The following GUCY2D variants were observed in gnomAD, a reference collection of about 807,000 sequenced individuals.
GUCY2D encodes the protein retinal guanylyl cyclase 1.
A neutral mutation model predicts 101.3 loss-of-function variants in GUCY2D; 70 were observed. The observed-to-expected ratio is 0.69, with a 90% CI of 0.57 to 0.84. The LOEUF is 0.84. GUCY2D is among the 40% of genes least tolerant of loss of function. The pLI, the probability that GUCY2D is intolerant of heterozygous loss-of-function variation, is 0.00. For synonymous variants in GUCY2D, 688 were observed against 670.7 expected (o/e 1.03, Z -0.40); for missense variants, 1,460 against 1,542.5 (o/e 0.95, Z 0.90).
Position 8,003,973 on chromosome 17 carries a change from C to A in GUCY2D, c.843C>A (p.Ile281=). 6.2e-7 allele frequency: 1 copy of A among 1,613,778 alleles called. No individual in the cohort carries two copies. Among genetic ancestry groups the A allele is most frequent in the South Asian group, 1.1e-5 (1 of 91,086 alleles). ...GSLVFLPFDT[I]HYALSPGPEA... ...TGGTCTTCCTGCCCTTCGACACGAT[C>A]CACTACGCCTTGTCCCCAGGCCCGG... is the stretch of plus-strand genomic sequence containing the variant. Residue 281 remains isoleucine (I), a synonymous_variant, in exon 3 of 20, where the codon ATC becomes ATA. Transcript: ENST00000254854.
At position 8,007,430 on chromosome 17, in the gene GUCY2D, C is replaced by T. The variant is rs1187537253; in HGVS notation, c.1468C>T (p.Arg490Trp). Reference protein sequence around the residue: ...GAFLAHYVRHRLLHMQMVSGP... With the variant: ...GAFLAHYVRHWLLHMQMVSGP... ...GGTGACCTCTTTCTCCACCAGGCAC[C>T]GGCTACTTCACATGCAAATGGTCTC... is the stretch of plus-strand genomic sequence containing the variant. Residue 490 changes from arginine (R) to tryptophan (W), a missense_variant, in exon 6 of 20, where the codon CGG (arginine) becomes TGG (tryptophan). By Grantham distance (101) the Arg-to-Trp change is moderately radical (BLOSUM62 -3). This residue lies in a region of GUCY2D where 1,196 missense variants were observed against 1,229.6 expected (regional missense o/e 0.97). Transcript: ENST00000254854. 9 of 1,608,570 alleles carry T rather than the reference C, an allele frequency of 5.6e-6. No individual in the cohort carries two copies. Among genetic ancestry groups the T allele is most frequent in the African/African-American group, 1.3e-5 (1 of 74,934 alleles).
Position 8,016,446 on chromosome 17 carries a change from CAGCAACCACGGCAT to C in GUCY2D, c.3229_3242del (p.Ser1077GlnfsTer50). The C allele has an allele frequency of 6.4e-7, 1 of 1,564,886 alleles. No individual in the cohort carries two copies. The highest frequency in any genetic ancestry group is 8.7e-7 in the Non-Finnish European group (1 of 1,155,186). On this transcript the variant is annotated frameshift_variant, in exon 19 of 20. Transcript: ENST00000254854. LOFTEE classifies it high-confidence loss of function. ...GGCCACCGCCCCCTCCTTGCAGGTC[CAGCAACCACGGCAT>C]CAGCCTGCAGGAGATCCCACCCGAG...
Position 8,013,640 on chromosome 17 carries a change from T to C in GUCY2D, c.2264-240T>C. 4 of 593,034 alleles carry C rather than the reference T, an allele frequency of 6.7e-6. No homozygotes were observed. Among genetic ancestry groups the C allele is most frequent in the East Asian group, 2.8e-5 (1 of 35,748 alleles). The allele number at this position is 593,034 out of a possible 1,614,324, so 36.7% of individuals were successfully genotyped here. On this transcript the variant is annotated intron_variant, in intron 11 of 19. Coordinates refer to ENST00000254854, the MANE Select transcript of GUCY2D (RefSeq NM_000180.4). The surrounding 1 kb of genome is among the most constrained non-coding windows in gnomAD (Gnocchi z 5.0). ...CCTCACTTGTCTTACATACAATATG[T>C]TAGTTTCTTTGCCTATGTCACCTCT... is the stretch of plus-strand genomic sequence containing the variant.
intron 18 of GUCY2D, 26 bp downstream of exon 18, chr17:8,016,316 G>GCGAGGGA: frequency 6.6e-7 from 1 of 1,526,302 alleles, no homozygotes; most frequent in Non-Finnish European, 8.9e-7. Context: ...CCGCGGCAGG[G>GCGAGGGA]CGAGGGACGA....
rs1380583409 is a variant in GUCY2D at position 8,012,157 on chromosome 17, G to A, written c.1763G>A (p.Arg588Gln). The A allele has an allele frequency of 6.2e-6, 10 of 1,613,412 alleles. No homozygotes were observed. The highest frequency in any genetic ancestry group is 1.7e-4 in the Middle Eastern group (1 of 5,790). ...TCCCCCTCTCAGCTCCAGGAGCTCC[G>A]GCATGAGAACGTGGCCCTCTACCTG... ...KTAFSKLQEL[R>Q]HENVALYLGL... Residue 588 changes from arginine (R) to glutamine (Q), a missense_variant, in exon 9 of 20, where the codon CGG becomes CAG. Around this residue, in one of 3 missense-constraint regions of GUCY2D, gnomAD observed 1,196 missense variants for 1,229.6 expected, o/e 0.97. Coordinates refer to ENST00000254854, the MANE Select transcript of GUCY2D (RefSeq NM_000180.4).
In GUCY2D at chr17:8,012,320, C is replaced by T; in HGVS notation, c.1926C>T (p.Phe642=). Residue 642 remains phenylalanine (F), a synonymous_variant, in exon 9 of 20, where the codon TTC becomes TTT. Coordinates refer to ENST00000254854, the MANE Select transcript of GUCY2D (RefSeq NM_000180.4). ...GAGAAATAAAGCTGGACTGGATGTT[C>T]AAGTCCTCCCTCCTGCTGGACCTTA... The part of the protein sequence containing the change: ...AQREIKLDWM[F]KSSLLLDLIK... The T allele has an allele frequency of 6.2e-7, 1 of 1,613,174 alleles. No homozygotes were observed. Among genetic ancestry groups the T allele is most frequent in the Non-Finnish European group, 8.5e-7 (1 of 1,179,716 alleles).
In GUCY2D at chr17:8,002,955, G is replaced by A. The variant is rs1598143583; in HGVS notation, c.-9-84G>A. 2.8e-6 allele frequency: 3 copies of A among 1,083,770 alleles called. No individual in the cohort carries two copies. The highest frequency in any genetic ancestry group is 3.9e-6 in the Non-Finnish European group (3 of 760,926). The allele number at this position is 1,083,770 out of a possible 1,614,324, so 67.1% of individuals were successfully genotyped here. On this transcript the variant is annotated intron_variant, in intron 1 of 19. Transcript: ENST00000254854. This position sits in a 1 kb window ranked among gnomAD's most constrained non-coding sequence, Gnocchi z 4.9. ...CAGAATCATCCCATGGGTTACTCGG[G>A]CTTGGAGAAACTCGGGGTTACGGGG...
At position 8,016,109 on chromosome 17, in the gene GUCY2D, C is replaced by T. The variant is rs1013173941; in HGVS notation, c.3138+88C>T. ...GGCCGCGGCTGCAAACCTCAGCTCA[C>T]CCTTCTGACCTGGTCTCCCAGTTCC... On this transcript the variant is annotated intron_variant, in intron 17 of 19. Coordinates refer to ENST00000254854, the MANE Select transcript of GUCY2D (RefSeq NM_000180.4). The T allele has an allele frequency of 2.1e-5, 28 of 1,349,534 alleles. No homozygotes were observed. In the Admixed American group the frequency reaches 5.5e-4, roughly 27 times the overall value. The allele number at this position is 1,349,534 out of a possible 1,614,324, so 83.6% of individuals were successfully genotyped here.
chr17:8,009,957 G>A (rs1056949084), intron 8 of GUCY2D, among the ~76,000 whole-genome samples: 1 of 151,778 alleles, frequency 6.6e-6, no homozygotes, highest in Non-Finnish European at 1.5e-5. Context: ...CAGCCTGGGT[G>A]ACAGAGCAAG....
At chr17:8,019,077 C>G (rs1196120725) in intron 19 of GUCY2D, among the ~76,000 whole-genome samples, 1 of 152,172 alleles carries the variant, frequency 6.6e-6, no homozygotes, top group Non-Finnish European at 1.5e-5. Context: ...CACACACACA[C>G]ATTTTTAAAA....
Position 8,006,314 on chromosome 17 carries a change from G to T in GUCY2D, c.1027-49G>T, listed in dbSNP as rs569335925. ...GACAGGCAGTGAAAGAATCTGGTCT[G>T]TCTGTGGGCTGTGACCCCGACCTCT... On this transcript the variant is annotated intron_variant, in intron 3 of 19. Transcript: ENST00000254854. 2.9e-5 allele frequency: 42 copies of T among 1,423,744 alleles called. 1 individual carries two copies. In the Middle Eastern group the frequency reaches 5.2e-4, roughly 18 times the overall value. The allele number at this position is 1,423,744 out of a possible 1,614,324, so 88.2% of individuals were successfully genotyped here.
At position 8,013,903 on chromosome 17, in the gene GUCY2D, C is replaced by T. The variant is rs1331595576; in HGVS notation, c.2287C>T (p.Pro763Ser). Residue 763 changes from proline to serine, a missense_variant, in exon 12 of 20, where the codon CCC becomes TCC. By Grantham distance (74) the Pro-to-Ser change is moderately conservative (BLOSUM62 -1). Transcript: ENST00000254854. This position sits in a 1 kb window ranked among gnomAD's most constrained non-coding sequence, Gnocchi z 5.0. Reference sequence around the variant, plus strand: ...AGAAGTGGTGCAGAGGGTGCGGAGCCCCCCTCCACTGTGTCGGCCCTTGGT... The same window carrying T: ...AGAAGTGGTGCAGAGGGTGCGGAGCTCCCCTCCACTGTGTCGGCCCTTGGT... ...PEEVVQRVRS[P>S]PPLCRPLVSM... The T allele has an allele frequency of 1.2e-5, 19 of 1,613,540 alleles. No homozygotes were observed. The highest frequency in any genetic ancestry group is 1.6e-5 in the Non-Finnish European group (19 of 1,179,494).
Position 8,013,010 on chromosome 17 carries a change from G to A in GUCY2D, c.2114-93G>A, listed in dbSNP as rs1975886121. ...CAGGGTCTCAGACCGGTCTCAGGCT[G>A]CAGGGTTGGTGGTGTCTGGGTGCCA... On this transcript the variant is annotated intron_variant, in intron 10 of 19. Transcript: ENST00000254854. The surrounding 1 kb of genome is among the most constrained non-coding windows in gnomAD (Gnocchi z 5.0). 8.6e-6 allele frequency: 10 copies of A among 1,160,740 alleles called. No individual in the cohort carries two copies. The highest frequency in any genetic ancestry group is 5.0e-6 in the Non-Finnish European group (4 of 797,524). 71.9% of individuals were successfully genotyped at this position (1,160,740 alleles called of 1,614,324 possible).
chr17:8,014,717 G>A lies in GUCY2D; in HGVS notation c.2529G>A (p.Glu843=). 6.2e-7 allele frequency: 1 copy of A among 1,613,960 alleles called. No homozygotes were observed. The highest frequency in any genetic ancestry group is 8.5e-7 in the Non-Finnish European group (1 of 1,179,984). Residue 843 remains glutamate (E), a synonymous_variant, in exon 13 of 20, where the codon GAG becomes GAA. Coordinates refer to ENST00000254854, the MANE Select transcript of GUCY2D (RefSeq NM_000180.4). The surrounding 1 kb of genome is among the most constrained non-coding windows in gnomAD (Gnocchi z 4.0). ...DLIRERTEEL[E]LEKQKTDRLL... ...TCCGGGAGCGCACGGAGGAGCTGGA[G>A]CTGGAAAAGCAGAAGACAGACCGGC...
Position 8,003,120 on chromosome 17 carries a change from TCCCTGCCCCGCCTCCCCCGGG to T in GUCY2D, c.84_104del (p.Arg31_Pro37del), listed in dbSNP as rs1567956884. The T allele has an allele frequency of 2.0e-6, 3 of 1,516,848 alleles. No homozygotes were observed. Among genetic ancestry groups the T allele is most frequent in the South Asian group, 1.2e-5 (1 of 81,500 alleles). The allele number at this position is 1,516,848 out of a possible 1,614,324, so 94.0% of individuals were successfully genotyped here. On this transcript the variant is annotated inframe_deletion, in exon 2 of 20. Transcript: ENST00000254854. ...CTGCGGTCCCGCGTGGTGGGCTCCGTCCCTGCCCCGCCTCCCCCGGGCCCTGCCCCGGCTCCCGCTCCTGCT... is the reference window on the plus strand; with the variant it reads ...CTGCGGTCCCGCGTGGTGGGCTCCGTCCCTGCCCCGGCTCCCGCTCCTGCT...
chr17:8,007,260 A>G (rs1975763422), intron 5 of GUCY2D, 116 bp downstream of exon 5: 23 of 960,742 alleles, frequency 2.4e-5, no homozygotes, highest in Non-Finnish European at 3.7e-5. Context: ...TCTTGGGGTG[A>G]GGGTGTTCTG....
At chr17:8,009,455 T>A in intron 7 of GUCY2D, 51 bp from the exon 8 acceptor site, 1 of 1,144,824 alleles carries the variant, frequency 8.7e-7, no homozygotes. Flanking sequence ...GGGCTCCCCA[T>A]CGTGGGATTT....
At chr17:8,016,415 C>G in intron 18 of GUCY2D, 28 bp from the exon 19 acceptor site, 2 of 1,517,060 alleles carry the variant, frequency 1.3e-6, no homozygotes, top group Middle Eastern at 1.7e-4. Flanking sequence ...CATTCCCCTT[C>G]CCTGAGGCCA....
chr17:8,002,735 G>GT lies in GUCY2D; in HGVS notation c.-10+2dup, dbSNP rs1975648081. ...TGGGCCCGAGCCCCCGGACTTCCCT[G>GT]TAAATGTCAGAGGCCCCTCCGCTGG... On this transcript the variant is annotated splice_donor_variant, in intron 1 of 19. Coordinates refer to ENST00000254854, the MANE Select transcript of GUCY2D (RefSeq NM_000180.4). LOFTEE classifies it low-confidence loss of function (5UTR_SPLICE). The surrounding 1 kb of genome is among the most constrained non-coding windows in gnomAD (Gnocchi z 4.9). 2.9e-6 allele frequency: 1 copy of GT among 340,004 alleles called. No homozygotes were observed. The highest frequency in any genetic ancestry group is 5.3e-6 in the Non-Finnish European group (1 of 187,432). 21.1% of individuals were successfully genotyped at this position (340,004 alleles called of 1,614,324 possible). A position where few individuals can be genotyped will look rare whatever the true frequency, so the allele number is the denominator to read the frequency against.
Sources: allele counts gnomAD v4.1 joint callset (sites outside exome capture counted in the v4.1 genomes callset), GRCh38; gene constraint gnomAD v4.1.1; regional missense constraint gnomAD v4.1.1; non-coding constraint Gnocchi (gnomAD v3.1); transcripts MANE v1.5; gene names NCBI Gene and HGNC (gene_info 2026-07-23, HGNC 2026-07-21).